TRO: variants seen among roughly 807,000 people sequenced by gnomAD.
TRO encodes the protein trophinin.
Under a neutral mutation model 42.3 loss-of-function variants are expected in TRO, and 29 were observed. The observed-to-expected ratio is 0.68, with a 90% CI of 0.51 to 0.93. TRO has a LOEUF of 0.93. TRO is among the 40% of genes least tolerant of loss of function. The pLI, the probability that TRO is intolerant of heterozygous loss-of-function variation, is 0.00. For synonymous variants in TRO, 384 were observed against 425.2 expected, an observed-to-expected ratio of 0.90 and a Z score of 1.19; for missense variants, 963 against 1,127.7, an observed-to-expected ratio of 0.85 and a Z score of 2.09.
Position 54,923,965 on chromosome X carries a change from C to T in TRO, c.1236+197C>T, listed in dbSNP as rs1016184811. The T allele has an allele frequency of 6.6e-6, 3 of 455,529 alleles. No homozygotes were observed. The Admixed American group carries it at 1.2e-4, about 19-fold the overall frequency. The allele number at this position is 455,529 out of a possible 1,213,427, so 37.5% of individuals were successfully genotyped here. ...CAGATTGGTGAGGAAATAAGACATC[C>T]ATACACTCAGCTACAACCTGTATGT... is the stretch of plus-strand genomic sequence containing the variant. On this transcript the variant is annotated intron_variant, in intron 3 of 12. Coordinates refer to ENST00000173898, the MANE Select transcript of TRO (RefSeq NM_001039705.3).
chrX:54,927,666 G>T lies in TRO; in HGVS notation c.1764-1G>T. 1 of 1,201,587 alleles carries T rather than the reference G, an allele frequency of 8.3e-7. No individual in the cohort carries two copies. The highest frequency in any genetic ancestry group is 1.1e-6 in the Non-Finnish European group (1 of 888,516). ...AACAAGTTTCATTTCCTTTTTCCAAGGTACCTGGAGTACAAGAGGGTCCCT... is the reference window on the plus strand; with the variant it reads ...AACAAGTTTCATTTCCTTTTTCCAATGTACCTGGAGTACAAGAGGGTCCCT... On this transcript the variant is annotated splice_acceptor_variant, in intron 10 of 12. Transcript: ENST00000173898. LOFTEE classifies it high-confidence loss of function.
At position 54,923,683 on chromosome X, in the gene TRO, C is replaced by T. The variant is rs755990662; in HGVS notation, c.1151C>T (p.Ala384Val). Residue 384 changes from alanine to valine, a missense_variant, in exon 3 of 13, where the codon GCT becomes GTT. Transcript: ENST00000173898. ...AGTGCCCTTGAGACTCAGGTTGCTG[C>T]TGCTGTCCAGGCCCTGGCAGATGAC... Reference protein sequence around the residue: ...NVSALETQVAAAVQALADDYL... With the variant: ...NVSALETQVAVAVQALADDYL... The T allele has an allele frequency of 5.8e-6, 7 of 1,211,598 alleles. No individual in the cohort carries two copies. The highest frequency in any genetic ancestry group is 7.8e-6 in the Non-Finnish European group (7 of 895,278).
rs1378715505 is a variant in TRO at position 54,922,280 on chromosome X, C to T, written c.34C>T (p.Pro12Ser). The T allele has an allele frequency of 4.1e-6, 5 of 1,208,938 alleles. No homozygotes were observed. The highest frequency in any genetic ancestry group is 5.6e-6 in the Non-Finnish European group (5 of 894,313). The change falls in exon 2 of 13, where the codon CCT becomes TCT. Residue 12 changes from proline (P) to serine (S), a missense_variant. Coordinates refer to ENST00000173898, the MANE Select transcript of TRO (RefSeq NM_001039705.3). ...GAGAAATGACTACGGATATAGGGTG[C>T]CTCTATTTCAGGTGAGGCCTCTCTG... ...DRRNDYGYRVPLFQGPLPPPG... is the reference protein window; with the variant it reads ...DRRNDYGYRVSLFQGPLPPPG...
rs753662377 is a variant in TRO, at chrX:54,929,761, C to T, written c.3037C>T (p.Pro1013Ser). 3 of 1,210,302 alleles carry T rather than the reference C, an allele frequency of 2.5e-6. No individual in the cohort carries two copies. The African/African-American group carries it at 5.2e-5, about 21-fold the overall frequency. ...CACCAGTGTCTGCTTTGGTGGCTCT[C>T]CTGGCACCAGTGTCAGCTTTGGCAG... ...LSTSVCFGGS[P>S]GTSVSFGSAL... The change falls in exon 12 of 13, where the codon CCT becomes TCT. Residue 1013 changes from proline (P) to serine (S), a missense_variant. Around this residue, in one of 2 missense-constraint regions of TRO, gnomAD observed 641 missense variants for 811.3 expected, o/e 0.79. Transcript: ENST00000173898.
Position 54,927,727 on chromosome X carries a change from C to G in TRO, c.1824C>G (p.Gly608=). 8.3e-7 allele frequency: 1 copy of G among 1,211,610 alleles called. No individual in the cohort carries two copies. Among genetic ancestry groups the G allele is most frequent in the Non-Finnish European group, 1.1e-6 (1 of 895,456 alleles). The change falls in exon 11 of 13, where the codon GGC becomes GGG. Residue 608 remains glycine (G), a synonymous_variant. Coordinates refer to ENST00000173898, the MANE Select transcript of TRO (RefSeq NM_001039705.3). ...SRPPEYEFFW[G]LRSYHETSKM... ...CACCTGAATATGAGTTCTTCTGGGG[C>G]TTGCGCTCCTACCACGAGACTAGCA... is the stretch of plus-strand genomic sequence containing the variant.
At chrX:54,922,083 T>TCA in intron 1 of TRO, 120 bp from the exon 2 acceptor site, 2 of 508,258 alleles carry the variant, frequency 3.9e-6, no homozygotes, top group Non-Finnish European at 6.2e-6. Flanking sequence ...GCCTGGGTTT[T>TCA]TTAGGTATGA....
chrX:54,923,496 G>A lies in TRO; in HGVS notation c.964G>A (p.Ala322Thr), dbSNP rs1285651259. The A allele has an allele frequency of 8.4e-7, 1 of 1,186,630 alleles. No individual in the cohort carries two copies. Among genetic ancestry groups the A allele is most frequent in the South Asian group, 1.9e-5 (1 of 54,036 alleles). The stretch of plus-strand genomic sequence containing the variant: ...CTCTGAGATCTCTGAGGCCCCACTT[G>A]CCACTCAGATAGTCACAAACCAAGC... The part of the protein sequence containing the change: ...SVSEISEAPL[A>T]TQIVTNQALA... Residue 322 changes from alanine to threonine, a missense_variant, in exon 3 of 13, where the codon GCC (alanine) becomes ACC (threonine). Around this residue, in one of 2 missense-constraint regions of TRO, gnomAD observed 322 missense variants for 316.5 expected, o/e 1.02. Transcript: ENST00000173898.
chrX:54,925,117 G>A (rs767547022), intron 6 of TRO, 49 bp downstream of exon 6: 30 of 1,096,771 alleles, frequency 2.7e-5, no homozygotes, highest in South Asian at 2.6e-4. Context: ...GCTTTGAATC[G>A]AGCAAAGACA....
chrX:54,921,759 A>C, intron 1 of TRO, among the ~76,000 whole-genome samples: 2 of 84,776 alleles, frequency 2.4e-5, no homozygotes, highest in Admixed American at 1.2e-4. Flanking sequence ...TGTTGGGGGA[A>C]GGGTTGGATC....
rs187640592 is a variant in TRO, at chrX:54,922,894, C to T, written c.362C>T (p.Thr121Ile). 3 of 1,210,296 alleles carry T rather than the reference C, an allele frequency of 2.5e-6. No individual in the cohort carries two copies. The highest frequency in any genetic ancestry group is 2.2e-5 in the Admixed American group (1 of 45,848). Residue 121 changes from threonine to isoleucine, a missense_variant, in exon 3 of 13, where the codon ACC becomes ATC. By Grantham distance (89) the Thr-to-Ile change is moderately conservative. This residue lies in a region of TRO where 322 missense variants were observed against 316.5 expected (regional missense o/e 1.02). Transcript: ENST00000173898. The stretch of plus-strand genomic sequence containing the variant: ...ACCCAGATCAGCCAGGCTTTACCTA[C>T]CACTGAGGTAACCAATACTCAGGCT... ...VITQISQALP[T>I]TEVTNTQASS...
Position 54,926,492 on chromosome X carries a change from G to C in TRO, c.1657+3G>C, listed in dbSNP as rs765206184. On this transcript the variant is annotated splice_donor_region_variant and intron_variant, in intron 8 of 12. Coordinates refer to ENST00000173898, the MANE Select transcript of TRO (RefSeq NM_001039705.3). ...GAATGGCAACAAGGCCAGTGAGGGTGAGTGGCTGGGCATGCAGCTGAATGG... is the reference window on the plus strand; with the variant it reads ...GAATGGCAACAAGGCCAGTGAGGGTCAGTGGCTGGGCATGCAGCTGAATGG... 8.3e-7 allele frequency: 1 copy of C among 1,212,096 alleles called. No individual in the cohort carries two copies.
chrX:54,929,099 G>A lies in TRO; in HGVS notation c.2375G>A (p.Ser792Asn), dbSNP rs1932889536. 1 of 1,211,481 alleles carries A rather than the reference G, an allele frequency of 8.3e-7. No homozygotes were observed. ...AGCTCCAGCTTCAGCAGCGCAGCCA[G>A]CATTAGCTTTGGTTGTGCACACAGC... ...STSSSFSSAA[S>N]ISFGCAHSTS... Residue 792 changes from serine to asparagine, a missense_variant, in exon 12 of 13, where the codon AGC becomes AAC. Around this residue, in one of 2 missense-constraint regions of TRO, gnomAD observed 641 missense variants for 811.3 expected, o/e 0.79. Coordinates refer to ENST00000173898, the MANE Select transcript of TRO (RefSeq NM_001039705.3).
chrX:54,925,025 A>G lies in TRO; in HGVS notation c.1442A>G (p.Tyr481Cys). ...GATGTCATCCAAGAATATGATGAATATTTCCCAGAAATCATTGAACGAGCA... is the reference window on the plus strand; with the variant it reads ...GATGTCATCCAAGAATATGATGAATGTTTCCCAGAAATCATTGAACGAGCA... ...LRDVIQEYDE[Y>C]FPEIIERASY... The change falls in exon 6 of 13, where the codon TAT (tyrosine) becomes TGT (cysteine). Residue 481 changes from tyrosine (Y) to cysteine (C), a missense_variant. By Grantham distance (194) the Tyr-to-Cys change is radical. Coordinates refer to ENST00000173898, the MANE Select transcript of TRO (RefSeq NM_001039705.3). 8.3e-7 allele frequency: 1 copy of G among 1,211,559 alleles called. No individual in the cohort carries two copies. Among genetic ancestry groups the G allele is most frequent in the South Asian group, 1.8e-5 (1 of 56,915 alleles).
chrX:54,929,903 G>A lies in TRO; in HGVS notation c.3179G>A (p.Gly1060Asp). 1.7e-6 allele frequency: 2 copies of A among 1,211,959 alleles called. No homozygotes were observed. The highest frequency in any genetic ancestry group is 3.0e-5 in the East Asian group (1 of 33,858). ...GGSPSTSAGF[G>D]GALNTNASFG... ...TCTCCCAGCACCAGTGCTGGCTTTG[G>A]TGGTGCACTCAACACCAATGCCAGC... Residue 1060 changes from glycine (G) to aspartate (D), a missense_variant, in exon 12 of 13, where the codon GGT (glycine) becomes GAT (aspartate). This residue lies in a region of TRO where 641 missense variants were observed against 811.3 expected (regional missense o/e 0.79). Coordinates refer to ENST00000173898, the MANE Select transcript of TRO (RefSeq NM_001039705.3).
Position 54,930,989 on chromosome X carries a change from G to A in TRO, c.4265G>A (p.Ser1422Asn), listed in dbSNP as rs1385893566. 1.7e-6 allele frequency: 2 copies of A among 1,197,424 alleles called. No individual in the cohort carries two copies. Among genetic ancestry groups the A allele is most frequent in the East Asian group, 3.0e-5 (1 of 33,614 alleles). ...GCTGGCTTTGGCAGTGGAGCCGCCAGTCTTGGTGCCTGTGGCTTCTCGTAT... is the reference window on the plus strand; with the variant it reads ...GCTGGCTTTGGCAGTGGAGCCGCCAATCTTGGTGCCTGTGGCTTCTCGTAT... ...TSAGFGSGAA[S>N]LGACGFSYG The change falls in exon 12 of 13, where the codon AGT becomes AAT. Residue 1422 changes from serine to asparagine, a missense_variant. By Grantham distance (46) the Ser-to-Asn change is conservative (BLOSUM62 1). Around this residue, in one of 2 missense-constraint regions of TRO, gnomAD observed 641 missense variants for 811.3 expected, o/e 0.79. Transcript: ENST00000173898.
At chrX:54,922,033 C>T (rs898109840) in intron 1 of TRO, 170 bp from the exon 2 acceptor site, 39 of 385,403 alleles carry the variant, frequency 1.0e-4, no homozygotes, top group Non-Finnish European at 1.7e-4. Context: ...AGAACTGACT[C>T]TCTCGGAGGC....
rs766875427 is a variant in TRO, at chrX:54,922,627, T to C, written c.95T>C (p.Ile32Thr). The change falls in exon 3 of 13, where the codon ATA becomes ACA. Residue 32 changes from isoleucine (I) to threonine (T), a missense_variant. Ile to Thr is a moderately conservative substitution (Grantham distance 89). This residue lies in a region of TRO where 322 missense variants were observed against 316.5 expected (regional missense o/e 1.02). Transcript: ENST00000173898. ...GSLGLPFPPD[I>T]QTETTEEDSV... ...CTGGGGCTTCCCTTCCCTCCAGATA[T>C]ACAGACTGAGACCACAGAAGAGGAC... The C allele has an allele frequency of 1.7e-5, 21 of 1,209,229 alleles. No homozygotes were observed. The highest frequency in any genetic ancestry group is 2.2e-5 in the Non-Finnish European group (20 of 894,968).
At position 54,923,084 on chromosome X, in the gene TRO, T is replaced by C. The variant is rs1376491116; in HGVS notation, c.552T>C (p.Ala184=). ...KLPVISQNIH[A]PIANESASSQ... is the part of the protein sequence containing the mutation. ...CAGTCATCTCACAGAATATTCACGC[T>C]CCAATTGCCAATGAGTCAGCCAGTT... The change falls in exon 3 of 13, where the codon GCT becomes GCC. Residue 184 remains alanine (A), a synonymous_variant. Coordinates refer to ENST00000173898, the MANE Select transcript of TRO (RefSeq NM_001039705.3). 1 of 1,210,002 alleles carries C rather than the reference T, an allele frequency of 8.3e-7. No individual in the cohort carries two copies. Among genetic ancestry groups the C allele is most frequent in the African/African-American group, 1.8e-5 (1 of 57,121 alleles).
intron 3 of TRO, chrX:54,923,994 A>G (rs1932455719): frequency 4.8e-6 from 2 of 413,881 alleles, no homozygotes; most frequent in Non-Finnish European, 8.2e-6. Flanking sequence ...TGTATGTAAT[A>G]CTACTTGTAT....
Sources: gnomAD v4.1 joint callset for allele counts (sites outside exome capture counted in the v4.1 genomes callset) on GRCh38, gnomAD v4.1.1 for gene constraint, gnomAD v4.1.1 regional missense constraint, MANE v1.5 for transcripts, NCBI Gene and HGNC (gene_info 2026-07-23, HGNC 2026-07-21) for gene names.